Variants in CHRM3 observed in about 807,000 individuals in gnomAD.
The protein encoded by CHRM3 is muscarinic acetylcholine receptor M3.
In CHRM3, 11 loss-of-function variants were observed where a neutral mutation model predicts 41.8. The ratio of observed to expected loss-of-function variants is 0.26; its 90% CI spans 0.17 to 0.44. The LOEUF is 0.44. CHRM3 is among the 20% of genes least tolerant of loss of function. CHRM3 has a pLI of 1.00. For synonymous variants in CHRM3, 297 were observed against 301.4 expected (o/e 0.99, Z 0.15); for missense variants, 571 against 745.4 (o/e 0.77, Z 2.72).
At chr1:239,725,739 A>G (rs1300530600) in intron 5 of CHRM3, among the ~76,000 whole-genome samples, 1 of 151,912 alleles carries the variant, frequency 6.6e-6, no homozygotes, top group African/African-American at 2.4e-5. Flanking sequence ...CTTTGCCCTG[A>G]CGTCTGTCTG....
rs559890304 is a variant in CHRM3 at position 239,696,869 on chromosome 1, G to A, written c.-147+18581G>A. On this transcript the variant is annotated intron_variant, in intron 5 of 6. Transcript: ENST00000676153. ...CAGTCATCTAAATAAAATCCTTTTCGTTCCCTCTAATTATGACCACTGTAA... is the reference window on the plus strand; with the variant it reads ...CAGTCATCTAAATAAAATCCTTTTCATTCCCTCTAATTATGACCACTGTAA... Among the ~76,000 whole-genome samples the A allele has an allele frequency of 2.8e-4, 42 of 152,184 alleles. No individual in the cohort carries two copies. The South Asian group carries it at 3.3e-3, about 12-fold the overall frequency.
intron 1 of CHRM3, among the ~76,000 whole-genome samples, chr1:239,457,369 C>T (rs1266158678): frequency 6.6e-6 from 1 of 151,930 alleles, no homozygotes; most frequent in East Asian, 1.9e-4. Flanking sequence ...TTTTAGTGTC[C>T]TTGTGTTATC....
chr1:239,866,728 T>G (rs1242786657), intron 6 of CHRM3, among the ~76,000 whole-genome samples: 1 of 152,240 alleles, frequency 6.6e-6, no homozygotes, highest in Non-Finnish European at 1.5e-5. Context: ...TATGAATCAC[T>G]GTGTGCAAGG....
chr1:239,838,250 T>C (rs1278696146), intron 6 of CHRM3, among the ~76,000 whole-genome samples: 2 of 152,160 alleles, frequency 1.3e-5, no homozygotes, highest in East Asian at 1.9e-4. Flanking sequence ...ATAGTAACTT[T>C]GAGTCACCCA....
chr1:239,802,970 C>A (rs1271999247), intron 5 of CHRM3, among the ~76,000 whole-genome samples: 1 of 152,184 alleles, frequency 6.6e-6, no homozygotes, highest in Non-Finnish European at 1.5e-5. Flanking sequence ...ACAGAAAAAT[C>A]TCTCTTCTAG....
At chr1:239,673,492 T>G in intron 4 of CHRM3, among the ~76,000 whole-genome samples, 1 of 152,162 alleles carries the variant, frequency 6.6e-6, no homozygotes, top group Admixed American at 6.5e-5. Flanking sequence ...TGCTGGAAAC[T>G]ATTTAACCAT....
chr1:239,827,880 A>C (rs1298252437), intron 6 of CHRM3, among the ~76,000 whole-genome samples: 1 of 152,220 alleles, frequency 6.6e-6, no homozygotes, highest in Non-Finnish European at 1.5e-5. Flanking sequence ...AAAAACTAGA[A>C]TACCTTTAAT....
At position 239,396,830 on chromosome 1, in the gene CHRM3, G is replaced by T. The variant is rs1039810120; in HGVS notation, c.-521+9603G>T. The stretch of plus-strand genomic sequence containing the variant: ...CTAACATTTACTCTATACAAAACTG[G>T]GATAATAATAGACTCTTGCAACTTG... On this transcript the variant is annotated intron_variant, in intron 1 of 6. Transcript: ENST00000676153. 2.0e-5 allele frequency among the ~76,000 whole-genome samples: 3 copies of T among 152,012 alleles called. No homozygotes were observed. In the East Asian group the frequency reaches 5.8e-4, roughly 29 times the overall value.
intron 2 of CHRM3, among the ~76,000 whole-genome samples, chr1:239,522,704 A>G (rs961270685): frequency 6.6e-6 from 1 of 152,098 alleles, no homozygotes; most frequent in African/African-American, 2.4e-5. Context: ...ATGCGTTTAG[A>G]CTTCGAGTCC....
chr1:239,811,737 G>A (rs1029593733), intron 5 of CHRM3, among the ~76,000 whole-genome samples: 1 of 152,172 alleles, frequency 6.6e-6, no homozygotes, highest in Non-Finnish European at 1.5e-5. Flanking sequence ...CATATTTTAT[G>A]TGGCTATCAG....
intron 5 of CHRM3, chr1:239,705,210 A>G (rs1310351332): frequency 1.3e-5 from 2 of 152,286 alleles, no homozygotes; most frequent in African/African-American, 4.8e-5. Flanking sequence ...CCGACTCAAA[A>G]AAAACATATG....
chr1:239,620,547 A>G (rs1365885369), intron 3 of CHRM3, among the ~76,000 whole-genome samples: 1 of 152,140 alleles, frequency 6.6e-6, no homozygotes, highest in Non-Finnish European at 1.5e-5. Flanking sequence ...TGGTGAGGAA[A>G]TAGGAAACAA....
chr1:239,707,604 C>A (rs1661322645), intron 5 of CHRM3: 1 of 152,106 alleles, frequency 6.6e-6, no homozygotes, highest in South Asian at 2.1e-4. Flanking sequence ...ATTGGGCCTG[C>A]AGAGACATAC....
intron 5 of CHRM3, among the ~76,000 whole-genome samples, chr1:239,735,742 C>T (rs1477239831): frequency 6.6e-6 from 1 of 152,056 alleles, no homozygotes; most frequent in Non-Finnish European, 1.5e-5. Context: ...AATGTGCCAC[C>T]TGGAGAAAAA....
chr1:239,631,874 A>C (rs926335724), intron 3 of CHRM3, among the ~76,000 whole-genome samples: 1 of 152,212 alleles, frequency 6.6e-6, no homozygotes, highest in Non-Finnish European at 1.5e-5. Flanking sequence ...CATCACTTAC[A>C]TGCAAAATGA....
At chr1:239,473,215 T>C (rs1572418210) in intron 1 of CHRM3, among the ~76,000 whole-genome samples, 1 of 86,860 alleles carries the variant, frequency 1.2e-5, no homozygotes, top group Non-Finnish European at 2.4e-5. Flanking sequence ...AAATACACCA[T>C]AAGAAGAAAA....
At chr1:239,870,298 C>T (rs1468481117) in intron 6 of CHRM3, among the ~76,000 whole-genome samples, 1 of 152,154 alleles carries the variant, frequency 6.6e-6, no homozygotes, top group African/African-American at 2.4e-5. Flanking sequence ...GTCCATCTCC[C>T]CAGGTGGGTA....
chr1:239,683,412 T>G (rs1275060228), intron 5 of CHRM3, among the ~76,000 whole-genome samples: 1 of 152,178 alleles, frequency 6.6e-6, no homozygotes, highest in Non-Finnish European at 1.5e-5. Context: ...GAGACATCGT[T>G]TTTAAAGGAT....
At position 239,908,612 on chromosome 1, in the gene CHRM3, C is replaced by T. The variant is rs199950153; in HGVS notation, c.1161C>T (p.Asp387=). 27 of 1,607,086 alleles carry T rather than the reference C, an allele frequency of 1.7e-5. No homozygotes were observed. The highest frequency in any genetic ancestry group is 2.2e-5 in the Non-Finnish European group (26 of 1,176,798). Residue 387 remains aspartate, a synonymous_variant, in exon 7 of 7, where the codon GAC becomes GAT. Coordinates refer to ENST00000676153, the MANE Select transcript of CHRM3 (RefSeq NM_001375978.1). This position sits in a 1 kb window ranked among gnomAD's most constrained non-coding sequence, Gnocchi z 7.2. ...ILNSTKLPSS[D]NLQVPEEELG... ...ACTCCACCAAGTTACCCTCATCGGA[C>T]AACCTGCAGGTGCCTGAGGAGGAGC...
Sources: allele counts gnomAD v4.1 joint callset (sites outside exome capture counted in the v4.1 genomes callset), GRCh38; gene constraint gnomAD v4.1.1; non-coding constraint Gnocchi (gnomAD v3.1); transcripts MANE v1.5; gene names NCBI Gene and HGNC (gene_info 2026-07-23, HGNC 2026-07-21).